Variants in CACNA2D3 observed in about 807,000 individuals in gnomAD.
The protein encoded by CACNA2D3 is voltage-dependent calcium channel subunit alpha-2/delta-3.
CACNA2D3 carries 60 observed loss-of-function variants against 160.6 expected under a neutral mutation model. The observed-to-expected ratio is 0.37, with a 90% confidence interval of 0.30 to 0.46. CACNA2D3 has a LOEUF of 0.46. Among genes scored for constraint, CACNA2D3 ranks in the 20% least tolerant of loss-of-function variants. CACNA2D3 has a pLI of 1.00. For synonymous variants in CACNA2D3, 558 were observed against 492.9 expected (o/e 1.13, Z -1.75); for missense variants, 1,205 against 1,365.0 (o/e 0.88, Z 1.85).
chr3:54,372,124 C>T lies in CACNA2D3; in HGVS notation c.322-14591C>T, dbSNP rs768511959. 6.6e-5 allele frequency among the ~76,000 whole-genome samples: 10 copies of T among 152,256 alleles called. No homozygotes were observed. In the South Asian group the frequency reaches 1.0e-3, roughly 16 times the overall value. ...GGCCTGGTTTGGTTTTCTTAGCCAG[C>T]GCCTCAGAGTGAACAAGCCATCAAC... is the stretch of plus-strand genomic sequence containing the variant. On this transcript the variant is annotated intron_variant, in intron 3 of 37. Transcript: ENST00000474759.
chr3:55,060,772 GAA>G (rs919694215), intron 35 of CACNA2D3, among the ~76,000 whole-genome samples: 1 of 147,996 alleles, frequency 6.8e-6, no homozygotes, highest in African/African-American at 2.5e-5. Flanking sequence ...CTAGTACAAA[GAA>G]AAAAAAAACT....
At chr3:54,465,828 G>C (rs1466609176) in intron 4 of CACNA2D3, among the ~76,000 whole-genome samples, 2 of 152,148 alleles carry the variant, frequency 1.3e-5, no homozygotes, top group Non-Finnish European at 2.9e-5. Context: ...GGTGGGCTTG[G>C]CTGATTTTTC....
intron 2 of CACNA2D3, among the ~76,000 whole-genome samples, chr3:54,248,772 A>C (rs1173478604): frequency 6.6e-6 from 1 of 152,192 alleles, no homozygotes; most frequent in South Asian, 2.1e-4. Context: ...GGCAGACCTA[A>C]CTGATTAATA....
intron 2 of CACNA2D3, among the ~76,000 whole-genome samples, chr3:54,124,905 C>T (rs1699557954): frequency 2.0e-5 from 3 of 152,046 alleles, no homozygotes; most frequent in South Asian, 4.2e-4. Flanking sequence ...TGGCCCACCT[C>T]GGCACTTAAA....
At chr3:54,964,322 A>C (rs1165351784) in intron 27 of CACNA2D3, among the ~76,000 whole-genome samples, 1 of 152,198 alleles carries the variant, frequency 6.6e-6, no homozygotes, top group African/African-American at 2.4e-5. Context: ...CTGTAATCAA[A>C]TTGAAGTAAG....
intron 11 of CACNA2D3, among the ~76,000 whole-genome samples, chr3:54,704,780 A>G (rs1252815957): frequency 6.6e-6 from 1 of 152,138 alleles, no homozygotes; most frequent in African/African-American, 2.4e-5. Context: ...CTTTTGAAAG[A>G]TATGATCCAA....
chr3:54,675,957 A>T (rs1159984149), intron 11 of CACNA2D3, among the ~76,000 whole-genome samples: 2 of 152,032 alleles, frequency 1.3e-5, no homozygotes, highest in Non-Finnish European at 2.9e-5. Flanking sequence ...TTGTCTTGGG[A>T]TCGTTTTGTC....
At chr3:54,667,836 A>G (rs1275828573) in intron 11 of CACNA2D3, among the ~76,000 whole-genome samples, 1 of 151,952 alleles carries the variant, frequency 6.6e-6, no homozygotes, top group East Asian at 1.9e-4. Flanking sequence ...TCTCCCAGCT[A>G]CTTGAGAGGC....
rs563579914 is a variant in CACNA2D3, at chr3:54,791,532, C to T, written c.1381-25321C>T. ...GACTCTAGCTTTTAACCAAACCGTG[C>T]ATTTAAAGTAATCACTCTGGGTAAT... On this transcript the variant is annotated intron_variant, in intron 13 of 37. Transcript: ENST00000474759. Among the ~76,000 whole-genome samples, 26 of 152,256 alleles carry T rather than the reference C, an allele frequency of 1.7e-4. 1 individual carries two copies. The South Asian group carries it at 5.4e-3, about 32-fold the overall frequency.
At chr3:54,614,209 A>G (rs1698803088) in intron 9 of CACNA2D3, among the ~76,000 whole-genome samples, 2 of 152,210 alleles carry the variant, frequency 1.3e-5, no homozygotes, top group Admixed American at 1.3e-4. Context: ...ATATAGGCAG[A>G]CCTCACTTCA....
intron 4 of CACNA2D3, among the ~76,000 whole-genome samples, chr3:54,423,004 T>C (rs1456398873): frequency 1.3e-5 from 2 of 152,196 alleles, no homozygotes; most frequent in Non-Finnish European, 2.9e-5. Context: ...CTACAGGTAA[T>C]GGCTGGGATG....
intron 11 of CACNA2D3, among the ~76,000 whole-genome samples, chr3:54,724,072 T>A (rs1245984304): frequency 6.6e-6 from 1 of 152,108 alleles, no homozygotes; most frequent in Non-Finnish European, 1.5e-5. Context: ...GATGGAGGAA[T>A]TTTTACCAAG....
At chr3:54,680,202 A>G (rs988986202) in intron 11 of CACNA2D3, among the ~76,000 whole-genome samples, 2 of 152,172 alleles carry the variant, frequency 1.3e-5, no homozygotes, top group Non-Finnish European at 2.9e-5. Context: ...ATCACCAGCT[A>G]TGTCCCTGGA....
intron 2 of CACNA2D3, among the ~76,000 whole-genome samples, chr3:54,199,522 G>A (rs369159814): frequency 4.0e-5 from 6 of 151,288 alleles, no homozygotes; most frequent in East Asian, 1.9e-4. Context: ...CGTCCCCTCC[G>A]CCTCCCGCCA....
intron 8 of CACNA2D3, among the ~76,000 whole-genome samples, chr3:54,579,309 C>A (rs1025277144): frequency 1.3e-5 from 2 of 152,116 alleles, no homozygotes; most frequent in Admixed American, 1.3e-4. Flanking sequence ...TCAACATTAT[C>A]TTCAGGGGCC....
At chr3:54,472,950 A>G (rs753195528) in intron 4 of CACNA2D3, among the ~76,000 whole-genome samples, 2 of 152,230 alleles carry the variant, frequency 1.3e-5, no homozygotes, top group Non-Finnish European at 2.9e-5. Context: ...GAAAACGGCC[A>G]TAATGCCCAA....
At chr3:54,683,962 CTTTTTTTTTT>C (rs61481695) in intron 11 of CACNA2D3, among the ~76,000 whole-genome samples, 183 of 110,806 alleles carry the variant, frequency 1.7e-3, no homozygotes, top group East Asian at 6.8e-3. Context: ...AAATTTCCAC[CTTTTTTTTTT>C]TTTTTTTTTT....
chr3:54,558,197 C>G (rs945500762), intron 5 of CACNA2D3, among the ~76,000 whole-genome samples: 1 of 152,184 alleles, frequency 6.6e-6, no homozygotes, highest in African/African-American at 2.4e-5. Context: ...CCTCATCCGT[C>G]CTCACCCCTC....
At chr3:54,756,227 C>T (rs956718845) in intron 12 of CACNA2D3, among the ~76,000 whole-genome samples, 3 of 152,188 alleles carry the variant, frequency 2.0e-5, no homozygotes, top group African/African-American at 7.2e-5. Flanking sequence ...CTACCAGAGT[C>T]AGCCCTTCTT....
Sources: gnomAD v4.1 joint callset for allele counts (sites outside exome capture counted in the v4.1 genomes callset) on GRCh38, gnomAD v4.1.1 for gene constraint, MANE v1.5 for transcripts, NCBI Gene and HGNC (gene_info 2026-07-23, HGNC 2026-07-21) for gene names.